SLC24A3: variants seen among roughly 807,000 people sequenced by gnomAD.
SLC24A3 encodes sodium/potassium/calcium exchanger 3.
A neutral mutation model predicts 75.8 loss-of-function variants in SLC24A3; 28 were observed. The ratio of observed to expected loss-of-function variants is 0.37; its 90% CI spans 0.27 to 0.51. The LOEUF is 0.51. Ranked by LOEUF, SLC24A3 falls within the 20% of genes least tolerant of loss-of-function variation. The pLI is 0.94. For missense variants in SLC24A3, 663 were observed against 847.8 expected, an observed-to-expected ratio of 0.78 and a Z score of 2.71; for synonymous variants, 372 against 334.1, an observed-to-expected ratio of 1.11 and a Z score of -1.24.
intron 6 of SLC24A3, among the ~76,000 whole-genome samples, chr20:19,596,056 T>C (rs934389559): frequency 2.6e-5 from 4 of 152,216 alleles, no homozygotes; most frequent in Non-Finnish European, 4.4e-5. Flanking sequence ...GGGCCGATCA[T>C]GTCCAGCCTT....
intron 8 of SLC24A3, among the ~76,000 whole-genome samples, chr20:19,669,992 C>T (rs2032447163): frequency 6.6e-6 from 1 of 152,090 alleles, no homozygotes; most frequent in South Asian, 2.1e-4. Context: ...AGAAGGTGCC[C>T]AGCGTCCTAG....
chr20:19,572,337 C>A (rs368656214), intron 3 of SLC24A3, among the ~76,000 whole-genome samples: 1 of 152,080 alleles, frequency 6.6e-6, no homozygotes, highest in African/African-American at 2.4e-5. Flanking sequence ...CAGAGCATGA[C>A]CCCATCTCTA....
intron 3 of SLC24A3, among the ~76,000 whole-genome samples, chr20:19,545,004 A>C (rs1229673642): frequency 1.3e-5 from 2 of 152,264 alleles, no homozygotes; most frequent in African/African-American, 4.8e-5. Context: ...TTAAGGAAGA[A>C]TAAGGCTATA....
chr20:19,570,784 T>G (rs1258226643), intron 3 of SLC24A3, among the ~76,000 whole-genome samples: 1 of 152,148 alleles, frequency 6.6e-6, no homozygotes, highest in African/African-American at 2.4e-5. Flanking sequence ...CTGTGGCATA[T>G]TGCCTGTATT....
At chr20:19,567,546 TA>T (rs2030979523) in intron 3 of SLC24A3, among the ~76,000 whole-genome samples, 5 of 152,182 alleles carry the variant, frequency 3.3e-5, no homozygotes, top group Non-Finnish European at 2.9e-5. Context: ...AAAAACTACC[TA>T]TCAGGTACTA....
intron 6 of SLC24A3, among the ~76,000 whole-genome samples, chr20:19,587,825 A>G (rs2122640778): frequency 6.6e-6 from 1 of 152,322 alleles, no homozygotes; most frequent in African/African-American, 2.4e-5. Context: ...GAATTGTAGC[A>G]TGTTCAGCAT....
rs780431867 is a variant in SLC24A3 at position 19,486,086 on chromosome 20, G to C, written c.272-29402G>C. Among the ~76,000 whole-genome samples the C allele has an allele frequency of 3.3e-5, 5 of 152,104 alleles. No homozygotes were observed. The South Asian group carries it at 1.0e-3, about 32-fold the overall frequency. On this transcript the variant is annotated intron_variant, in intron 2 of 16. Coordinates refer to ENST00000328041, the MANE Select transcript of SLC24A3 (RefSeq NM_020689.4). ...GGAGGGAATTTCAGCTCCATCTCAT[G>C]GCCCTGGCTCAGGTTCACTCACCAG...
At position 19,441,889 on chromosome 20, in the gene SLC24A3, T is replaced by C. The variant is rs927484816; in HGVS notation, c.272-73599T>C. On this transcript the variant is annotated intron_variant, in intron 2 of 16. Coordinates refer to ENST00000328041, the MANE Select transcript of SLC24A3 (RefSeq NM_020689.4). ...ATTTTTTTTCTGTCTCTGATAAAAA[T>C]CATAAAACCACTGATTTTTTTTATG... 2.6e-5 allele frequency among the ~76,000 whole-genome samples: 4 copies of C among 152,128 alleles called. 1 individual carries two copies. Among genetic ancestry groups the C allele is most frequent in the African/African-American group, 9.7e-5 (4 of 41,416 alleles).
chr20:19,220,888 G>A (rs1260003021), intron 1 of SLC24A3, among the ~76,000 whole-genome samples: 1 of 152,144 alleles, frequency 6.6e-6, no homozygotes, highest in African/African-American at 2.4e-5. Context: ...AAGAACCAAA[G>A]GGTTAAAGGT....
chr20:19,479,474 TG>T (rs1705264880), intron 2 of SLC24A3, among the ~76,000 whole-genome samples: 1 of 152,252 alleles, frequency 6.6e-6, no homozygotes, highest in African/African-American at 2.4e-5. Context: ...TTTCTCATGC[TG>T]GCTTGGAATG....
At chr20:19,678,522 C>T (rs1209719230) in intron 9 of SLC24A3, among the ~76,000 whole-genome samples, 1 of 137,164 alleles carries the variant, frequency 7.3e-6, no homozygotes, top group Admixed American at 7.2e-5. Context: ...GCTGACCCCC[C>T]AACCTCCCTC....
At chr20:19,219,202 A>G (rs55836437) in intron 1 of SLC24A3, among the ~76,000 whole-genome samples, 4,078 of 152,110 alleles carry the variant, frequency 0.027, 176 homozygotes, top group African/African-American at 0.092. Context: ...TCCACTTCCA[A>G]CCTGGAGAGG....
intron 15 of SLC24A3, among the ~76,000 whole-genome samples, chr20:19,702,189 A>G (rs2122151651): frequency 6.6e-6 from 1 of 152,204 alleles, no homozygotes; most frequent in Admixed American, 6.5e-5. Context: ...CCCTTCTGAC[A>G]TTTTCCCAAT....
intron 3 of SLC24A3, among the ~76,000 whole-genome samples, chr20:19,543,551 G>A (rs2030537936): frequency 6.6e-6 from 1 of 152,150 alleles, no homozygotes; most frequent in African/African-American, 2.4e-5. Flanking sequence ...TGCCAGGCCG[G>A]GGAGGGAGGC....
intron 14 of SLC24A3, 103 bp downstream of exon 14, chr20:19,697,014 GAAAGGGAGGGAGAAGA>G: frequency 3.2e-6 from 1 of 316,714 alleles, no homozygotes; most frequent in Non-Finnish European, 6.0e-6. Flanking sequence ...AGGGAGAAGA[GAAAGGGAGGGAGAAGA>G]GAAGGAAAGA....
At chr20:19,651,682 A>G (rs995441790) in intron 6 of SLC24A3, among the ~76,000 whole-genome samples, 1 of 151,848 alleles carries the variant, frequency 6.6e-6, no homozygotes, top group African/African-American at 2.4e-5. Flanking sequence ...ACACGGTGAA[A>G]CCCTGTCTCT....
chr20:19,379,695 A>G (rs554729624), intron 2 of SLC24A3, among the ~76,000 whole-genome samples: 1 of 152,262 alleles, frequency 6.6e-6, no homozygotes, highest in East Asian at 1.9e-4. Context: ...TTAAATCTCT[A>G]TACAAGCCTC....
At chr20:19,320,433 C>T (rs1441185012) in intron 2 of SLC24A3, among the ~76,000 whole-genome samples, 1 of 151,898 alleles carries the variant, frequency 6.6e-6, no homozygotes, top group Non-Finnish European at 1.5e-5. Context: ...AGATGTTGTC[C>T]CTAGCTTTGT....
chr20:19,284,437 AG>A (rs1983752913), intron 2 of SLC24A3: 1 of 152,730 alleles, frequency 6.5e-6, no homozygotes, highest in Non-Finnish European at 1.5e-5. Flanking sequence ...TAGAGAGGCT[AG>A]GAAGTGAGCC....
Sources: allele counts gnomAD v4.1 joint callset (sites outside exome capture counted in the v4.1 genomes callset), GRCh38; gene constraint gnomAD v4.1.1; transcripts MANE v1.5; gene names NCBI Gene and HGNC (gene_info 2026-07-23, HGNC 2026-07-21).